AGPAT5: variants seen among roughly 807,000 people sequenced by gnomAD.
AGPAT5 encodes 1-acyl-sn-glycerol-3-phosphate acyltransferase epsilon.
In AGPAT5, 46 loss-of-function variants were observed where a neutral mutation model predicts 45.6. The ratio of observed to expected loss-of-function variants is 1.01; its 90% confidence interval spans 0.80 to 1.29. The LOEUF (loss-of-function observed/expected upper bound fraction) is 1.29, where lower values mean the gene tolerates loss of function less well. Among genes scored for constraint, AGPAT5 ranks in the 50% most tolerant of loss-of-function variants. The probability of loss-of-function intolerance (pLI) is 0.00; values close to 1 mark genes in which losing one functional copy is unlikely to be tolerated. For synonymous variants in AGPAT5, 272 were observed against 167.0 expected (o/e 1.63, Z -4.85); for missense variants, 673 against 450.7 (o/e 1.49, Z -4.47).
Position 6,708,716 on chromosome 8 carries a change from GC to G in AGPAT5, c.51del (p.Ser18AlafsTer70), listed in dbSNP as rs1429919233. ...ACACGTACTCCATGCGCTACCTGCT[GC>G]CCAGCGTCGTGCTCCTGGGCACGGC... ...LHTYSMRYLL[P>X]SVVLLGTAPT... On this transcript the variant is annotated frameshift_variant, in exon 1 of 8. Coordinates refer to ENST00000285518, the MANE Select transcript of AGPAT5 (RefSeq NM_018361.5). LOFTEE classifies it high-confidence loss of function. 6.2e-7 allele frequency: 1 copy of G among 1,606,266 alleles called. No homozygotes were observed. The highest frequency in any genetic ancestry group is 8.5e-7 in the Non-Finnish European group (1 of 1,179,618).
intron 1 of AGPAT5, among the ~76,000 whole-genome samples, chr8:6,721,230 A>G (rs10091758): frequency 0.022 from 3,378 of 152,344 alleles, 124 homozygotes; most frequent in African/African-American, 0.077. Context: ...ATTAACTGGT[A>G]ATATATTTCG....
At chr8:6,712,880 CT>C (rs1361099917) in intron 1 of AGPAT5, among the ~76,000 whole-genome samples, 1 of 147,294 alleles carries the variant, frequency 6.8e-6, no homozygotes, top group Non-Finnish European at 1.5e-5. Flanking sequence ...TGTCAGAATT[CT>C]TTTTTCTTTG....
intron 3 of AGPAT5, among the ~76,000 whole-genome samples, chr8:6,731,175 T>C (rs1276787791): frequency 2.0e-5 from 3 of 152,226 alleles, no homozygotes; most frequent in Non-Finnish European, 4.4e-5. Flanking sequence ...AAAAATGTTA[T>C]ATTTTAAAAT....
At position 6,741,607 on chromosome 8, in the gene AGPAT5, A is replaced by G. The variant is rs922093830; in HGVS notation, c.496-54A>G. 3.8e-5 allele frequency: 49 copies of G among 1,297,456 alleles called. No individual in the cohort carries two copies. In the East Asian group the frequency reaches 4.8e-4, roughly 13 times the overall value. 80.4% of individuals were successfully genotyped at this position (1,297,456 alleles called of 1,614,324 possible). ...TAGGTTTAGCTTTTTTAGGTTAACA[A>G]TAACAAAAACAAAGCTCACACAAAA... On this transcript the variant is annotated intron_variant, in intron 4 of 7. Transcript: ENST00000285518.
intron 1 of AGPAT5, among the ~76,000 whole-genome samples, chr8:6,714,722 G>C (rs975142671): frequency 6.6e-6 from 1 of 152,170 alleles, no homozygotes; most frequent in Non-Finnish European, 1.5e-5. Flanking sequence ...TTGTGGGAAG[G>C]TTCTTTAGTT....
At chr8:6,752,775 T>C (rs1801700849) in intron 6 of AGPAT5, among the ~76,000 whole-genome samples, 1 of 152,236 alleles carries the variant, frequency 6.6e-6, no homozygotes, top group Non-Finnish European at 1.5e-5. Flanking sequence ...ATCCTTCAAC[T>C]AAGATAGTTT....
intron 7 of AGPAT5, among the ~76,000 whole-genome samples, chr8:6,756,952 C>G (rs942496304): frequency 1.3e-5 from 2 of 152,208 alleles, no homozygotes; most frequent in Non-Finnish European, 1.5e-5. Context: ...ATTACATATA[C>G]AATTCATGTA....
chr8:6,755,103 C>A lies in AGPAT5; in HGVS notation c.798C>A (p.Asp266Glu), dbSNP rs1207576314. 4.4e-6 allele frequency: 7 copies of A among 1,606,620 alleles called. No individual in the cohort carries two copies. The highest frequency in any genetic ancestry group is 5.9e-6 in the Non-Finnish European group (7 of 1,178,220). Residue 266 changes from aspartate to glutamate, a missense_variant, in exon 7 of 8, where the codon GAC becomes GAA. Physicochemically the swap from Asp to Glu is conservative, Grantham distance 45 (BLOSUM62 2). Transcript: ENST00000285518. ...TTCATATTCACATTGATCGTATCGACAAAAAAGATGTCCCAGAAGAACAAG... is the reference window on the plus strand; with the variant it reads ...TTCATATTCACATTGATCGTATCGAAAAAAAAGATGTCCCAGAAGAACAAG... ...PKIHIHIDRI[D>E]KKDVPEEQEH...
At chr8:6,754,928 G>T in intron 6 of AGPAT5, 123 bp from the exon 7 acceptor site, 4 of 739,944 alleles carry the variant, frequency 5.4e-6, no homozygotes, top group South Asian at 2.8e-5. Flanking sequence ...TTTTCCTAAG[G>T]AATCTGTACT....
At chr8:6,744,357 A>T (rs1163322050) in intron 5 of AGPAT5, among the ~76,000 whole-genome samples, 1 of 152,228 alleles carries the variant, frequency 6.6e-6, no homozygotes, top group Non-Finnish European at 1.5e-5. Context: ...TCTCGCTCTT[A>T]AGAAGGTGTG....
intron 7 of AGPAT5, among the ~76,000 whole-genome samples, chr8:6,755,565 G>C (rs146700258): frequency 6.6e-6 from 1 of 152,202 alleles, no homozygotes. Context: ...AAGCAAGGGA[G>C]GGGTAGAGGA....
At chr8:6,745,045 T>A (rs1801389840) in intron 5 of AGPAT5, 1 of 152,438 alleles carries the variant, frequency 6.6e-6, no homozygotes, top group African/African-American at 2.4e-5. Flanking sequence ...TTTTGTTCTC[T>A]TCACATTCAA....
chr8:6,731,363 A>G (rs1800856409), intron 3 of AGPAT5, among the ~76,000 whole-genome samples: 1 of 152,112 alleles, frequency 6.6e-6, no homozygotes, highest in Admixed American at 6.5e-5. Context: ...ACAGATACCA[A>G]AATCTAAGGT....
intron 4 of AGPAT5, among the ~76,000 whole-genome samples, chr8:6,735,560 C>T (rs1454155274): frequency 1.3e-5 from 2 of 152,194 alleles, no homozygotes; most frequent in Non-Finnish European, 2.9e-5. Context: ...ACTAAACAAC[C>T]ACTTGCATCT....
chr8:6,748,736 C>T lies in AGPAT5; in HGVS notation c.745+908C>T, dbSNP rs1419114279. 2.6e-5 allele frequency among the ~76,000 whole-genome samples: 4 copies of T among 152,140 alleles called. No homozygotes were observed. The South Asian group carries it at 8.3e-4, about 32-fold the overall frequency. On this transcript the variant is annotated intron_variant, in intron 6 of 7. Transcript: ENST00000285518. ...GCCAGGCTGGTCTCAAACTCCTTAC[C>T]TCAGGTGATCCACGCACCTCGGCCT...
chr8:6,742,738 A>T (rs533690122), intron 5 of AGPAT5, among the ~76,000 whole-genome samples: 27 of 152,338 alleles, frequency 1.8e-4, no homozygotes, highest in Admixed American at 6.5e-4. Context: ...ACAAGAGCAG[A>T]TATGTCATAG....
intron 1 of AGPAT5, among the ~76,000 whole-genome samples, chr8:6,710,468 T>C (rs1800120808): frequency 6.6e-6 from 1 of 152,232 alleles, no homozygotes; most frequent in South Asian, 2.1e-4. Context: ...TTTTGTTTAA[T>C]GTGTGTTCCT....
intron 4 of AGPAT5, among the ~76,000 whole-genome samples, chr8:6,736,839 C>G (rs766097905): frequency 4.6e-5 from 7 of 152,230 alleles, no homozygotes; most frequent in Non-Finnish European, 8.8e-5. Flanking sequence ...GTTTCGTTCA[C>G]TTGTCTGATT....
chr8:6,750,843 TAC>T (rs1242739523), intron 6 of AGPAT5, among the ~76,000 whole-genome samples: 5 of 152,208 alleles, frequency 3.3e-5, no homozygotes, highest in African/African-American at 9.7e-5. Context: ...TGCAATGTAG[TAC>T]AAACCTTTGT....
Sources: allele counts gnomAD v4.1 joint callset (sites outside exome capture counted in the v4.1 genomes callset), GRCh38; gene constraint gnomAD v4.1.1; transcripts MANE v1.5; gene names NCBI Gene and HGNC (gene_info 2026-07-23, HGNC 2026-07-21).